USP18: variants seen among roughly 807,000 people sequenced by gnomAD.
USP18 encodes ubiquitin specific peptidase 18.
Under a neutral mutation model 48.7 loss-of-function variants are expected in USP18, and 11 were observed. The ratio of observed to expected loss-of-function variants is 0.23; its 90% CI spans 0.14 to 0.37. The LOEUF (loss-of-function observed/expected upper bound fraction) is 0.37, where lower values mean the gene tolerates loss of function less well. USP18 is among the 10% of genes least tolerant of loss of function. The pLI is 1.00. For synonymous variants in USP18, 114 were observed against 163.2 expected (o/e 0.70, Z 2.30); for missense variants, 285 against 436.4 (o/e 0.65, Z 3.09).
intron 8 of USP18, 81 bp from the exon 9 acceptor site, chr22:18,173,069 C>A: frequency 1.9e-6 from 3 of 1,600,620 alleles, no homozygotes; most frequent in Non-Finnish European, 2.6e-6. Flanking sequence ...CAGAGTCGGG[C>A]CTAGTGTGGG....
At chr22:18,163,607 C>T (rs1046010133) in intron 4 of USP18, among the ~76,000 whole-genome samples, 1 of 150,364 alleles carries the variant, frequency 6.7e-6, no homozygotes, top group Non-Finnish European at 1.5e-5. Flanking sequence ...TGCGCCACTG[C>T]ACTCCAGCCT....
At chr22:18,159,618 C>T (rs1026533971) in intron 2 of USP18, among the ~76,000 whole-genome samples, 26 of 151,402 alleles carry the variant, frequency 1.7e-4, no homozygotes, top group African/African-American at 5.8e-4. Context: ...CTGCCTCAGC[C>T]TCCCAAGGAG....
At chr22:18,151,197 C>A (rs556415403) in intron 1 of USP18, among the ~76,000 whole-genome samples, 1 of 152,234 alleles carries the variant, frequency 6.6e-6, no homozygotes, top group East Asian at 1.9e-4. Context: ...TTAGTCTTAA[C>A]CTCTCTTCTT....
At position 18,173,193 on chromosome 22, in the gene USP18, G is replaced by A; in HGVS notation, c.935G>A (p.Gly312Glu). 6.2e-7 allele frequency: 1 copy of A among 1,611,044 alleles called. No individual in the cohort carries two copies. Reference protein sequence around the residue: ...YELFAVIAHVGMADSGHYCVY... With the variant: ...YELFAVIAHVEMADSGHYCVY... ...CTTTTTGCTGTGATTGCGCACGTGG[G>A]AATGGCAGACTCCGGTCATTACTGT... Residue 312 changes from glycine to glutamate, a missense_variant, in exon 9 of 11, where the codon GGA (glycine) becomes GAA (glutamate). This residue lies in a region of USP18 where 44 missense variants were observed against 64.4 expected (regional missense o/e 0.68). Transcript: ENST00000215794.
intron 1 of USP18, among the ~76,000 whole-genome samples, chr22:18,156,721 C>G (rs560152104): frequency 9.8e-4 from 149 of 152,316 alleles, no homozygotes; most frequent in African/African-American, 3.4e-3. Context: ...AGACCACAAA[C>G]CCACCAGAAG....
rs1187863539 is a variant in USP18, at chr22:18,173,234, G to A, written c.976G>A (p.Ala326Thr). The part of the protein sequence containing the change: ...SGHYCVYIRN[A>T]VDGKWFCFND... ...TCATTACTGTGTCTACATCCGGAAT[G>A]CTGTGGATGGAAAATGGTTCTGCTT... Residue 326 changes from alanine to threonine, a missense_variant, in exon 9 of 11, where the codon GCT becomes ACT. Transcript: ENST00000215794. 1.2e-6 allele frequency: 2 copies of A among 1,606,660 alleles called. No homozygotes were observed. Among genetic ancestry groups the A allele is most frequent in the South Asian group, 2.2e-5 (2 of 90,358 alleles).
At chr22:18,162,907 A>C (rs888223650) in intron 4 of USP18, among the ~76,000 whole-genome samples, 141 of 151,270 alleles carry the variant, frequency 9.3e-4, no homozygotes, top group Non-Finnish European at 1.7e-3. Flanking sequence ...GGACTCTGAT[A>C]ATGCCTATTT....
intron 2 of USP18, among the ~76,000 whole-genome samples, chr22:18,159,308 G>A (rs1044374461): frequency 7.9e-5 from 12 of 151,910 alleles, no homozygotes; most frequent in African/African-American, 2.7e-4. Context: ...TTCCCGCCTC[G>A]GCCTCCCAAA....
chr22:18,160,373 T>G (rs1929295235), intron 3 of USP18, 105 bp downstream of exon 3: 1 of 1,368,172 alleles, frequency 7.3e-7, no homozygotes, highest in East Asian at 2.4e-5. Context: ...TGGCATGATC[T>G]TGGCTCACTG....
intron 8 of USP18, among the ~76,000 whole-genome samples, chr22:18,171,687 G>T (rs1307046025): frequency 1.3e-5 from 2 of 151,730 alleles, no homozygotes; most frequent in African/African-American, 4.8e-5. Flanking sequence ...TTTTTCCATA[G>T]ATTTGAAATG....
intron 2 of USP18, among the ~76,000 whole-genome samples, chr22:18,158,337 G>A (rs989824374): frequency 6.6e-6 from 1 of 152,180 alleles, no homozygotes; most frequent in Non-Finnish European, 1.5e-5. Context: ...AGCACATAGG[G>A]TTGTTGGGAG....
At chr22:18,173,958 T>G (rs1207414507) in intron 10 of USP18, 116 bp downstream of exon 10, 8 of 1,478,570 alleles carry the variant, frequency 5.4e-6, no homozygotes, top group Non-Finnish European at 7.4e-6. Flanking sequence ...ACTGTCCGCC[T>G]CATCTCCAGC....
At chr22:18,159,800 T>C (rs1039072563) in intron 2 of USP18, among the ~76,000 whole-genome samples, 11 of 151,124 alleles carry the variant, frequency 7.3e-5, no homozygotes, top group South Asian at 4.2e-4. Flanking sequence ...CTCAGCCTCC[T>C]GAGTAGCTGG....
intron 2 of USP18, among the ~76,000 whole-genome samples, chr22:18,158,215 G>C (rs1470922190): frequency 1.3e-5 from 2 of 152,184 alleles, no homozygotes; most frequent in Non-Finnish European, 2.9e-5. Flanking sequence ...TTGAACCTGG[G>C]CGGCAGAGGT....
At chr22:18,160,700 T>C (rs1159398733) in intron 3 of USP18, among the ~76,000 whole-genome samples, 1 of 152,028 alleles carries the variant, frequency 6.6e-6, no homozygotes, top group East Asian at 1.9e-4. Flanking sequence ...GGCTTCTGCA[T>C]ATTCTGGCCT....
At chr22:18,165,896 C>T (rs924218558) in intron 4 of USP18, among the ~76,000 whole-genome samples, 12 of 151,452 alleles carry the variant, frequency 7.9e-5, no homozygotes, top group African/African-American at 2.2e-4. Flanking sequence ...ATTGCTCACT[C>T]CCCCCACCCC....
chr22:18,157,977 G>GGC (rs1569209224), intron 2 of USP18, among the ~76,000 whole-genome samples, 157 bp downstream of exon 2: 1 of 152,148 alleles, frequency 6.6e-6, no homozygotes, highest in East Asian at 1.9e-4. Context: ...CTGGGCCATA[G>GGC]TGAAACCCTA....
intron 2 of USP18, among the ~76,000 whole-genome samples, chr22:18,159,605 C>G (rs1456844008): frequency 6.7e-6 from 1 of 150,028 alleles, no homozygotes; most frequent in East Asian, 2.0e-4. Context: ...TCAAGCAATT[C>G]TCCTGCCTCA....
intron 6 of USP18, among the ~76,000 whole-genome samples, chr22:18,169,107 G>A (rs187476921): frequency 1.4e-5 from 2 of 144,238 alleles, no homozygotes; most frequent in East Asian, 3.9e-4. Context: ...ATACAGTTTG[G>A]GACTGTGTCC....
Sources: allele counts gnomAD v4.1 joint callset (sites outside exome capture counted in the v4.1 genomes callset), GRCh38; gene constraint gnomAD v4.1.1; regional missense constraint gnomAD v4.1.1; transcripts MANE v1.5; gene names NCBI Gene and HGNC (gene_info 2026-07-23, HGNC 2026-07-21).